The following KASH5 variants were observed in gnomAD, a reference collection of about 807,000 sequenced individuals.
The protein encoded by KASH5 is KASH domain containing 5.
Under a neutral mutation model 84.2 loss-of-function variants are expected in KASH5, and 72 were observed. The observed-to-expected ratio is 0.85, with a 90% confidence interval of 0.71 to 1.04. KASH5 has a LOEUF of 1.04. Among genes scored for constraint, KASH5 ranks in the 50% least tolerant of loss-of-function variants. The pLI is 0.00. For synonymous variants in KASH5, 260 were observed against 279.1 expected (o/e 0.93, Z 0.68); for missense variants, 650 against 701.0 (o/e 0.93, Z 0.82).
chr19:49,413,178 G>A (rs55708249), intron 16 of KASH5, among the ~76,000 whole-genome samples, 152 bp downstream of exon 16: 2,547 of 152,328 alleles, frequency 0.017, 38 homozygotes, highest in Middle Eastern at 0.054. Flanking sequence ...CTGTAGGCCA[G>A]GAGATGAGGC....
In KASH5 at chr19:49,417,463, A is replaced by G; in HGVS notation, c.1642A>G (p.Thr548Ala). The change falls in exon 20 of 20, where the codon ACC becomes GCC. Residue 548 changes from threonine (T) to alanine (A), a missense_variant. Transcript: ENST00000447857. The surrounding 1 kb of genome is among the most constrained non-coding windows in gnomAD (Gnocchi z 5.2). ...GCTGCTTGGCCCGTCCCCACCTCCC[A>G]CCTGGCCCCACCTCCAGCTCTGCTA... ...VLLLGPSPPP[T>A]WPHLQLCYLQ... 1.3e-6 allele frequency: 2 copies of G among 1,551,010 alleles called. No individual in the cohort carries two copies. Among genetic ancestry groups the G allele is most frequent in the Non-Finnish European group, 1.7e-6 (2 of 1,147,904 alleles).
Position 49,390,942 on chromosome 19 carries a change from C to A in KASH5, c.43+16C>A, listed in dbSNP as rs752988050. 24 of 1,605,042 alleles carry A rather than the reference C, an allele frequency of 1.5e-5. 1 individual carries two copies. The Admixed American group carries it at 3.7e-4, about 25-fold the overall frequency. On this transcript the variant is annotated intron_variant, in intron 2 of 19. Coordinates refer to ENST00000447857, the MANE Select transcript of KASH5 (RefSeq NM_144688.5). ...ACTGCGGAAAGTAAGTGGCTGGAAC[C>A]CTATTTGCCCCGGGGAGGGTGAGGA...
At position 49,417,509 on chromosome 19, in the gene KASH5, G is replaced by A. The variant is rs552844923; in HGVS notation, c.1688G>A (p.Ter563=). Reference sequence around the variant, plus strand: ...TGCTACCTCCAGCCCCCTCCAGTGTGAGAGGCTCTACTTGCCCCTCAGAGC... The same window carrying A: ...TGCTACCTCCAGCCCCCTCCAGTGTAAGAGGCTCTACTTGCCCCTCAGAGC... ...QLCYLQPPPV[*] Residue 563 remains the stop codon, a stop_retained_variant, in exon 20 of 20, where the codon TGA becomes TAA. Transcript: ENST00000447857. This position sits in a 1 kb window ranked among gnomAD's most constrained non-coding sequence, Gnocchi z 5.2. 7.8e-6 allele frequency: 12 copies of A among 1,533,730 alleles called. No individual in the cohort carries two copies. The South Asian group carries it at 1.5e-4, about 19-fold the overall frequency.
intron 9 of KASH5, among the ~76,000 whole-genome samples, chr19:49,404,930 C>A (rs1974476364): frequency 6.6e-6 from 1 of 152,042 alleles, no homozygotes; most frequent in Non-Finnish European, 1.5e-5. Flanking sequence ...TGAACATAAC[C>A]ACAGGGAACA....
intron 2 of KASH5, among the ~76,000 whole-genome samples, chr19:49,392,740 C>T (rs1316229527): frequency 2.6e-5 from 4 of 152,062 alleles, no homozygotes; most frequent in Non-Finnish European, 4.4e-5. Context: ...GGTGAAACCC[C>T]ATCTCTACTA....
chr19:49,406,615 T>C (rs1041001261), intron 9 of KASH5, among the ~76,000 whole-genome samples: 1 of 152,154 alleles, frequency 6.6e-6, no homozygotes, highest in Non-Finnish European at 1.5e-5. Context: ...GACCTTGTGA[T>C]CCGCCCGCCT....
intron 9 of KASH5, among the ~76,000 whole-genome samples, chr19:49,403,407 G>T (rs1974429043): frequency 6.6e-6 from 1 of 151,910 alleles, no homozygotes; most frequent in South Asian, 2.1e-4. Context: ...GCCAGGAAAT[G>T]CCCCTCTCGT....
intron 14 of KASH5, 112 bp from the exon 15 acceptor site, chr19:49,409,641 T>G: frequency 1.4e-6 from 2 of 1,385,234 alleles, no homozygotes; most frequent in South Asian, 1.2e-5. Flanking sequence ...CACCAGCCCT[T>G]TTCTATCTCT....
intron 2 of KASH5, chr19:49,391,537 T>C (rs1370516559): frequency 6.6e-6 from 1 of 152,236 alleles, no homozygotes; most frequent in Non-Finnish European, 1.5e-5. Context: ...AGGATATACA[T>C]ACATAGAGAT....
Position 49,416,389 on chromosome 19 carries a change from C to T in KASH5, c.1375-626C>T, listed in dbSNP as rs1006361135. 7.9e-5 allele frequency among the ~76,000 whole-genome samples: 12 copies of T among 152,176 alleles called. No individual in the cohort carries two copies. The highest frequency in any genetic ancestry group is 1.2e-4 in the Non-Finnish European group (8 of 68,038). ...TGTATTTTTAGTAGAGACGGAGTTT[C>T]GCCATGTTGGCCAGGTTGGTCTCCA... On this transcript the variant is annotated intron_variant, in intron 17 of 19. Coordinates refer to ENST00000447857, the MANE Select transcript of KASH5 (RefSeq NM_144688.5). The surrounding 1 kb of genome is among the most constrained non-coding windows in gnomAD (Gnocchi z 5.4).
At chr19:49,398,187 C>A in intron 7 of KASH5, 44 bp downstream of exon 7, 1 of 1,510,100 alleles carries the variant, frequency 6.6e-7, no homozygotes, top group Non-Finnish European at 8.9e-7. Context: ...CCCCTGCCTC[C>A]GTCCTCCCTG....
At chr19:49,407,773 C>A in intron 12 of KASH5, 102 bp downstream of exon 12, 1 of 1,133,740 alleles carries the variant, frequency 8.8e-7, no homozygotes, top group African/African-American at 1.5e-5. Flanking sequence ...TGTCAGTGGC[C>A]ACATCTTGCT....
chr19:49,404,328 C>T (rs992810482), intron 9 of KASH5, among the ~76,000 whole-genome samples: 1 of 152,218 alleles, frequency 6.6e-6, no homozygotes, highest in African/African-American at 2.4e-5. Flanking sequence ...CGCTTTGAAA[C>T]CCTGTGCAAC....
Position 49,394,911 on chromosome 19 carries a change from G to C in KASH5, c.149-195G>C, listed in dbSNP as rs562226459. The C allele has an allele frequency of 1.7e-5, 10 of 592,498 alleles. 1 individual carries two copies. In the South Asian group the frequency reaches 2.1e-4, roughly 12 times the overall value. The allele number at this position is 592,498 out of a possible 1,614,324, so 36.7% of individuals were successfully genotyped here. ...CCTTTGGTTTACCCTGTGATGGGGG[G>C]ATGACTGGGCCCCATTTCCAGGTGA... On this transcript the variant is annotated intron_variant, in intron 3 of 19. Transcript: ENST00000447857.
intron 16 of KASH5, among the ~76,000 whole-genome samples, chr19:49,413,604 T>G (rs1974796908): frequency 6.6e-6 from 1 of 152,130 alleles, no homozygotes; most frequent in South Asian, 2.1e-4. Flanking sequence ...GAGCTGAGAT[T>G]GGGCGGGATG....
Position 49,417,219 on chromosome 19 carries a change from CAGG to C in KASH5, c.1507_1509del (p.Arg503del), listed in dbSNP as rs1974936833. On this transcript the variant is annotated inframe_deletion, in exon 19 of 20. Coordinates refer to ENST00000447857, the MANE Select transcript of KASH5 (RefSeq NM_144688.5). The surrounding 1 kb of genome is among the most constrained non-coding windows in gnomAD (Gnocchi z 5.2). ...CTGTGATGAAAAAGCTGGTCCCAGTCAGGAGGAGGGCCTGGGGCCAGCTCTGCC... is the reference window on the plus strand; with the variant it reads ...CTGTGATGAAAAAGCTGGTCCCAGTCAGGAGGGCCTGGGGCCAGCTCTGCC... 1.9e-6 allele frequency: 3 copies of C among 1,613,746 alleles called. No homozygotes were observed. Among genetic ancestry groups the C allele is most frequent in the Admixed American group, 1.7e-5 (1 of 60,000 alleles).
intron 15 of KASH5, among the ~76,000 whole-genome samples, chr19:49,411,921 AAGGAAGGAAG>A (rs1469532865): frequency 1.0e-4 from 1 of 9,826 alleles, no homozygotes; most frequent in Non-Finnish European, 2.8e-4. Context: ...GGAAGGAGGG[AAGGAAGGAAG>A]GAAGGAAGGA....
In KASH5 at chr19:49,395,400, G is replaced by C; in HGVS notation, c.335+108G>C. On this transcript the variant is annotated intron_variant, in intron 4 of 19. Coordinates refer to ENST00000447857, the MANE Select transcript of KASH5 (RefSeq NM_144688.5). This position sits in a 1 kb window ranked among gnomAD's most constrained non-coding sequence, Gnocchi z 4.4. ...TTAGGCCCAAGGACCTACTGTGTTT[G>C]GAATGAGGCTGTGGAGAGAAAAATG... 2.5e-6 allele frequency: 3 copies of C among 1,199,358 alleles called. No homozygotes were observed. Among genetic ancestry groups the C allele is most frequent in the Non-Finnish European group, 2.4e-6 (2 of 839,938 alleles). The allele number at this position is 1,199,358 out of a possible 1,614,324, so 74.3% of individuals were successfully genotyped here.
chr19:49,403,123 C>T (rs189925657), intron 9 of KASH5, among the ~76,000 whole-genome samples: 5 of 152,146 alleles, frequency 3.3e-5, no homozygotes. Flanking sequence ...TGTGGGAGGC[C>T]GAGGCGGGCA....
Sources: allele counts gnomAD v4.1 joint callset (sites outside exome capture counted in the v4.1 genomes callset), GRCh38; gene constraint gnomAD v4.1.1; non-coding constraint Gnocchi (gnomAD v3.1); transcripts MANE v1.5; gene names NCBI Gene and HGNC (gene_info 2026-07-23, HGNC 2026-07-21).